The following SGCZ variants were observed in gnomAD, a reference collection of about 807,000 sequenced individuals.
The protein encoded by SGCZ is sarcoglycan zeta, also known as zeta-sarcoglycan.
SGCZ carries 40 observed loss-of-function variants against 41.3 expected under a neutral mutation model. The ratio of observed to expected loss-of-function variants is 0.97; its 90% confidence interval spans 0.75 to 1.26. SGCZ has a LOEUF of 1.26. Among genes scored for constraint, SGCZ ranks in the 50% most tolerant of loss-of-function variants. The pLI, the probability that SGCZ is intolerant of heterozygous loss-of-function variation, is 0.00. For missense variants in SGCZ, 552 were observed against 369.8 expected (o/e 1.49, Z -4.04); for synonymous variants, 206 against 137.5 (o/e 1.50, Z -3.49).
At chr8:14,363,685 T>C (rs893653302) in intron 2 of SGCZ, among the ~76,000 whole-genome samples, 1 of 152,190 alleles carries the variant, frequency 6.6e-6, no homozygotes, top group Non-Finnish European at 1.5e-5. Context: ...TTAACAGTTA[T>C]GCACAGTGGT....
chr8:15,111,912 A>AG (rs908439177), intron 1 of SGCZ, among the ~76,000 whole-genome samples: 1 of 151,848 alleles, frequency 6.6e-6, no homozygotes, highest in African/African-American at 2.4e-5. Context: ...AAAAAAAAAA[A>AG]AAATCCCTCC....
chr8:14,433,640 GA>G (rs938556675), intron 2 of SGCZ, among the ~76,000 whole-genome samples: 6 of 149,510 alleles, frequency 4.0e-5, no homozygotes, highest in African/African-American at 7.4e-5. Flanking sequence ...TTCCTATTTA[GA>G]AAAAAAAATA....
chr8:15,166,049 G>A (rs1414830268), intron 1 of SGCZ, among the ~76,000 whole-genome samples: 1 of 151,930 alleles, frequency 6.6e-6, no homozygotes, highest in Admixed American at 6.6e-5. Context: ...TCATAATATC[G>A]AGTGTTTTAA....
intron 1 of SGCZ, among the ~76,000 whole-genome samples, chr8:15,091,400 A>C (rs1402466738): frequency 6.6e-6 from 1 of 152,180 alleles, no homozygotes; most frequent in Non-Finnish European, 1.5e-5. Context: ...ATTTTTCACT[A>C]CTTTTTACAT....
intron 2 of SGCZ, among the ~76,000 whole-genome samples, chr8:14,384,183 T>A (rs1173695469): frequency 6.6e-6 from 1 of 152,078 alleles, no homozygotes; most frequent in African/African-American, 2.4e-5. Context: ...TTCTCATTGT[T>A]CAATTCCCAC....
intron 1 of SGCZ, among the ~76,000 whole-genome samples, chr8:14,565,552 T>G (rs1219207269): frequency 6.6e-6 from 1 of 151,996 alleles, no homozygotes; most frequent in Non-Finnish European, 1.5e-5. Context: ...AGACACTCAT[T>G]GGTGAGTCCT....
chr8:15,190,852 A>G (rs1800513610), intron 1 of SGCZ, among the ~76,000 whole-genome samples: 1 of 152,026 alleles, frequency 6.6e-6, no homozygotes. Context: ...CAGCTAAATG[A>G]CTACTCCTTC....
At chr8:15,095,697 C>T (rs1261808191) in intron 1 of SGCZ, among the ~76,000 whole-genome samples, 1 of 152,128 alleles carries the variant, frequency 6.6e-6, no homozygotes, top group African/African-American at 2.4e-5. Context: ...CCTTTACCCC[C>T]ACACCTGAAG....
intron 1 of SGCZ, among the ~76,000 whole-genome samples, chr8:15,048,370 A>G (rs1256769824): frequency 6.6e-6 from 1 of 152,038 alleles, no homozygotes; most frequent in Non-Finnish European, 1.5e-5. Context: ...GTTAATGGGC[A>G]CAAAAATACA....
At chr8:14,645,635 G>T (rs1807189453) in intron 1 of SGCZ, among the ~76,000 whole-genome samples, 1 of 151,182 alleles carries the variant, frequency 6.6e-6, no homozygotes, top group Non-Finnish European at 1.5e-5. Flanking sequence ...TCCTATCTTG[G>T]AACACTTATA....
At chr8:14,550,690 T>G (rs2117176292) in intron 2 of SGCZ, among the ~76,000 whole-genome samples, 1 of 152,042 alleles carries the variant, frequency 6.6e-6, no homozygotes, top group East Asian at 1.9e-4. Context: ...TAACCAGCAA[T>G]AGGAGACCTG....
intron 1 of SGCZ, among the ~76,000 whole-genome samples, chr8:14,586,377 C>T (rs889938172): frequency 7.9e-5 from 12 of 151,940 alleles, no homozygotes; most frequent in Non-Finnish European, 1.2e-4. Context: ...TCACAACAGG[C>T]TAATTTTTGT....
At chr8:14,216,796 A>G (rs1307174908) in intron 4 of SGCZ, among the ~76,000 whole-genome samples, 4 of 152,216 alleles carry the variant, frequency 2.6e-5, no homozygotes, top group Non-Finnish European at 5.9e-5. Flanking sequence ...TTTTCTCAAA[A>G]TCAGTAACAA....
At chr8:14,329,945 T>C (rs1238491349) in intron 2 of SGCZ, among the ~76,000 whole-genome samples, 1 of 152,112 alleles carries the variant, frequency 6.6e-6, no homozygotes, top group East Asian at 1.9e-4. Context: ...AGCTCCACGT[T>C]TTGCCATCAA....
At chr8:14,770,921 C>T (rs1458953926) in intron 1 of SGCZ, among the ~76,000 whole-genome samples, 2 of 151,950 alleles carry the variant, frequency 1.3e-5, no homozygotes, top group African/African-American at 4.8e-5. Flanking sequence ...TTGAATGAAG[C>T]CTTGAAAAAT....
At chr8:14,972,803 G>A (rs1801345454) in intron 1 of SGCZ, among the ~76,000 whole-genome samples, 1 of 152,060 alleles carries the variant, frequency 6.6e-6, no homozygotes, top group South Asian at 2.1e-4. Context: ...TGATCTTTGT[G>A]CTATTGTAGT....
At chr8:14,549,982 C>T (rs535370912) in intron 2 of SGCZ, among the ~76,000 whole-genome samples, 2 of 151,902 alleles carry the variant, frequency 1.3e-5, no homozygotes, top group East Asian at 3.9e-4. Context: ...TACAATCACA[C>T]TGGGGAAAAA....
chr8:14,894,614 G>A (rs1805127742), intron 1 of SGCZ, among the ~76,000 whole-genome samples: 2 of 152,080 alleles, frequency 1.3e-5, no homozygotes, highest in South Asian at 4.1e-4. Context: ...ATACCCCGAG[G>A]AAGAAATAAT....
intron 1 of SGCZ, among the ~76,000 whole-genome samples, chr8:14,867,061 G>A (rs1179961814): frequency 6.6e-6 from 1 of 152,048 alleles, no homozygotes; most frequent in Non-Finnish European, 1.5e-5. Context: ...TCTCAATCCT[G>A]TTTCCCAATG....
Sources: gnomAD v4.1 joint callset for allele counts (sites outside exome capture counted in the v4.1 genomes callset) on GRCh38, gnomAD v4.1.1 for gene constraint, MANE v1.5 for transcripts, NCBI Gene and HGNC (gene_info 2026-07-23, HGNC 2026-07-21) for gene names.